Variants in DLG2 observed in about 807,000 individuals in gnomAD.
The protein encoded by DLG2 is discs large MAGUK scaffold protein 2, also known as disks large homolog 2.
In DLG2, 45 loss-of-function variants were observed where a neutral mutation model predicts 132.5. That is an observed-to-expected ratio of 0.34 (90% CI 0.27 to 0.44). The LOEUF is 0.44. Ranked by LOEUF, DLG2 falls within the 20% of genes least tolerant of loss-of-function variation. DLG2 has a pLI of 1.00. For missense variants in DLG2, 1,045 were observed against 1,196.9 expected (o/e 0.87, Z 1.87); for synonymous variants, 424 against 419.6 (o/e 1.01, Z -0.13).
chr11:85,518,004 C>T (rs966594993), intron 3 of DLG2, among the ~76,000 whole-genome samples: 4 of 152,152 alleles, frequency 2.6e-5, no homozygotes, highest in African/African-American at 9.7e-5. Flanking sequence ...TGCCTTACAC[C>T]ACGATTGCAA....
intron 3 of DLG2, among the ~76,000 whole-genome samples, chr11:85,516,421 G>A (rs1485061127): frequency 2.0e-5 from 3 of 151,764 alleles, no homozygotes; most frequent in Non-Finnish European, 2.9e-5. Flanking sequence ...ACTGCAACTA[G>A]CAGAAGGAAA....
intron 17 of DLG2, among the ~76,000 whole-genome samples, chr11:83,802,145 A>G (rs982547613): frequency 1.3e-5 from 2 of 151,596 alleles, no homozygotes; most frequent in African/African-American, 2.4e-5. Context: ...ATGCACCATT[A>G]TGCCTCGCTA....
intron 14 of DLG2, among the ~76,000 whole-genome samples, chr11:83,949,377 G>A (rs146506367): frequency 0.018 from 2,785 of 151,090 alleles, 41 homozygotes; most frequent in Non-Finnish European, 0.029. Context: ...CATTTTCTTG[G>A]ATTAATGTCT....
intron 6 of DLG2, among the ~76,000 whole-genome samples, chr11:84,740,950 G>C (rs527919568): frequency 6.6e-6 from 1 of 151,534 alleles, no homozygotes; most frequent in East Asian, 1.9e-4. Context: ...CATGGCCCTG[G>C]CCTTCACAAA....
At chr11:85,032,163 T>C (rs1264793115) in intron 6 of DLG2, among the ~76,000 whole-genome samples, 1 of 152,098 alleles carries the variant, frequency 6.6e-6, no homozygotes, top group Non-Finnish European at 1.5e-5. Context: ...TTTATCAATG[T>C]TGAAGTAGAG....
chr11:83,733,335 A>G (rs986941509), intron 18 of DLG2, among the ~76,000 whole-genome samples: 4 of 152,016 alleles, frequency 2.6e-5, no homozygotes, highest in Admixed American at 2.6e-4. Flanking sequence ...GTGAGTCACT[A>G]ATAAAACCAC....
chr11:84,481,177 T>C lies in DLG2; in HGVS notation c.519+53393A>G, dbSNP rs560685560. Reference sequence around the variant, plus strand: ...TGAACAGTACCTGCTATTATTAATATTTTGTCTATCATATGGATGTTTACT... The same window carrying C: ...TGAACAGTACCTGCTATTATTAATACTTTGTCTATCATATGGATGTTTACT... On this transcript the variant is annotated intron_variant, in intron 7 of 27. Transcript: ENST00000376104. 3.9e-5 allele frequency among the ~76,000 whole-genome samples: 6 copies of C among 152,308 alleles called. 1 individual carries two copies. The highest frequency in any genetic ancestry group is 1.4e-4 in the African/African-American group (6 of 41,576).
chr11:84,913,674 G>A (rs2092273437), intron 6 of DLG2, among the ~76,000 whole-genome samples: 1 of 151,960 alleles, frequency 6.6e-6, no homozygotes, highest in African/African-American at 2.4e-5. Context: ...TAGGATAAAA[G>A]AATATACATT....
chr11:85,379,671 A>T (rs1219533063), intron 3 of DLG2, among the ~76,000 whole-genome samples: 1 of 152,182 alleles, frequency 6.6e-6, no homozygotes, highest in African/African-American at 2.4e-5. Flanking sequence ...GAAATTAGTA[A>T]ACACTATCTA....
At chr11:83,917,292 C>G (rs1180692098) in intron 15 of DLG2, among the ~76,000 whole-genome samples, 1 of 152,070 alleles carries the variant, frequency 6.6e-6, no homozygotes, top group East Asian at 1.9e-4. Context: ...TGTTTTATTA[C>G]CTTTTACAGA....
intron 6 of DLG2, among the ~76,000 whole-genome samples, chr11:84,621,217 T>C (rs1482846888): frequency 6.6e-6 from 1 of 152,160 alleles, no homozygotes; most frequent in African/African-American, 2.4e-5. Context: ...TCCACTCATA[T>C]ATTTTAGTTA....
At chr11:83,747,334 T>TCCTTCCTG (rs1334498962) in intron 18 of DLG2, among the ~76,000 whole-genome samples, 39 of 146,908 alleles carry the variant, frequency 2.7e-4, no homozygotes, top group Non-Finnish European at 4.2e-4. Context: ...CTTCCTGCCT[T>TCCTTCCTG]CCTTCCTGCC....
intron 17 of DLG2, among the ~76,000 whole-genome samples, chr11:83,795,346 T>C (rs986468712): frequency 1.4e-4 from 21 of 152,048 alleles, no homozygotes; most frequent in African/African-American, 4.8e-4. Flanking sequence ...AGGCAGAGCT[T>C]GCAGTGAGCT....
intron 18 of DLG2, among the ~76,000 whole-genome samples, chr11:83,776,305 C>T (rs1681654713): frequency 6.6e-6 from 1 of 152,080 alleles, no homozygotes; most frequent in African/African-American, 2.4e-5. Flanking sequence ...ACCTATTCTG[C>T]CACCCCTCTT....
intron 3 of DLG2, among the ~76,000 whole-genome samples, chr11:85,569,993 G>T (rs900902286): frequency 6.6e-6 from 1 of 152,182 alleles, no homozygotes; most frequent in Admixed American, 6.5e-5. Flanking sequence ...AACTACTAGA[G>T]GGAAGAGGGG....
intron 19 of DLG2, among the ~76,000 whole-genome samples, chr11:83,577,976 T>G (rs1281894733): frequency 1.3e-4 from 18 of 137,324 alleles, no homozygotes; most frequent in Non-Finnish European, 2.5e-4. Flanking sequence ...TATATAAATA[T>G]ATAAATAAAT....
upstream of DLG2, chr11:85,627,350 A>C (rs1291894601): frequency 1.3e-5 from 2 of 152,180 alleles, no homozygotes; most frequent in African/African-American, 4.8e-5. Flanking sequence ...GGATTGAAAA[A>C]AAAGGAAAGC....
At chr11:84,132,417 T>A (rs1012843069) in intron 9 of DLG2, among the ~76,000 whole-genome samples, 2 of 151,834 alleles carry the variant, frequency 1.3e-5, no homozygotes, top group Non-Finnish European at 2.9e-5. Context: ...ATAATTTGAC[T>A]CCCTATTATA....
chr11:85,615,003 C>G (rs2081247122), intron 2 of DLG2, among the ~76,000 whole-genome samples: 1 of 152,190 alleles, frequency 6.6e-6, no homozygotes, highest in Non-Finnish European at 1.5e-5. Flanking sequence ...TGCAATTATA[C>G]TTTACCCTCC....
Sources: allele counts gnomAD v4.1 joint callset (sites outside exome capture counted in the v4.1 genomes callset), GRCh38; gene constraint gnomAD v4.1.1; transcripts MANE v1.5; gene names NCBI Gene and HGNC (gene_info 2026-07-23, HGNC 2026-07-21).